Variants in EN1 observed in about 807,000 individuals in gnomAD.
EN1 encodes homeobox protein engrailed-1.
In EN1, 8 loss-of-function variants were observed where a neutral mutation model predicts 22.9. The observed-to-expected ratio is 0.35, with a 90% CI of 0.20 to 0.63. The LOEUF (loss-of-function observed/expected upper bound fraction) is 0.63, where lower values mean the gene tolerates loss of function less well. Among genes scored for constraint, EN1 ranks in the 20% least tolerant of loss-of-function variants. The pLI is 0.73. For synonymous variants in EN1, 287 were observed against 262.5 expected, an observed-to-expected ratio of 1.09 and a Z score of -0.90; for missense variants, 521 against 572.1, an observed-to-expected ratio of 0.91 and a Z score of 0.91.
intron 1 of EN1, chr2:118,844,451 C>G (rs1028964348): frequency 6.6e-6 from 1 of 152,190 alleles, no homozygotes; most frequent in African/African-American, 2.4e-5. Context: ...GCGGGAAAAC[C>G]AGGAGAGGAT....
chr2:118,842,898 T>G lies in EN1; in HGVS notation c.*40A>C. On this transcript the variant is annotated 3_prime_UTR_variant, in exon 2 of 2. Transcript: ENST00000295206. ...AGGGGCCGGGAGACGACGGCGGCGG[T>G]GCCGGGAGGGGGCGCGGGCGCGGCC... is the stretch of plus-strand genomic sequence containing the variant. 6.4e-7 allele frequency: 1 copy of G among 1,574,174 alleles called. No homozygotes were observed.
In EN1 at chr2:118,847,547, A is replaced by C; in HGVS notation, c.-380T>G. 6.1e-6 allele frequency: 1 copy of C among 165,122 alleles called. No homozygotes were observed. Among genetic ancestry groups the C allele is most frequent in the Non-Finnish European group, 1.3e-5 (1 of 77,038 alleles). 10.2% of individuals were successfully genotyped at this position (165,122 alleles called of 1,614,324 possible). A position where few individuals can be genotyped will look rare whatever the true frequency, so the allele number is the denominator to read the frequency against. Reference sequence around the variant, plus strand: ...GAAAGCAAGAAAAAAAGCTCCAATAATTTTTTTCTTAAAGGGAAAAAAATA... The same window carrying C: ...GAAAGCAAGAAAAAAAGCTCCAATACTTTTTTTCTTAAAGGGAAAAAAATA... On this transcript the variant is annotated 5_prime_UTR_variant, in exon 1 of 2. Coordinates refer to ENST00000295206, the MANE Select transcript of EN1 (RefSeq NM_001426.4).
At position 118,847,208 on chromosome 2, in the gene EN1, GC is replaced by G; in HGVS notation, c.-42del. On this transcript the variant is annotated 5_prime_UTR_variant, in exon 1 of 2. Transcript: ENST00000295206. Reference sequence around the variant, plus strand: ...CGCCCCGGCCGCCGCGCCGGCCCCCGCCCCCACCGCCTCGCTCCCCACCCCA... The same window carrying G: ...CGCCCCGGCCGCCGCGCCGGCCCCCGCCCCACCGCCTCGCTCCCCACCCCA... The G allele has an allele frequency of 1.7e-6, 1 of 583,230 alleles. No individual in the cohort carries two copies. The highest frequency in any genetic ancestry group is 2.7e-6 in the Non-Finnish European group (1 of 377,348). The allele number at this position is 583,230 out of a possible 1,614,324, so 36.1% of individuals were successfully genotyped here. A position where few individuals can be genotyped will look rare whatever the true frequency, so the allele number is the denominator to read the frequency against.
rs1464119140 is a variant in EN1, at chr2:118,842,660, C to T, written c.*278G>A. ...ATATACAAGGTCGTAAGCGGTTTGG[C>T]TAGATAGAGCTTTAAGGAGTTCGCA... is the stretch of plus-strand genomic sequence containing the variant. On this transcript the variant is annotated 3_prime_UTR_variant, in exon 2 of 2. Coordinates refer to ENST00000295206, the MANE Select transcript of EN1 (RefSeq NM_001426.4). 5.6e-5 allele frequency: 23 copies of T among 408,716 alleles called. 1 individual carries two copies. The allele number at this position is 408,716 out of a possible 1,614,324, so 25.3% of individuals were successfully genotyped here.
chr2:118,845,280 C>A (rs1678252306), intron 1 of EN1, among the ~76,000 whole-genome samples: 1 of 152,218 alleles, frequency 6.6e-6, no homozygotes. Context: ...CGGCCCCCTG[C>A]CGGACCGGGT....
rs912738751 is a variant in EN1, at chr2:118,842,890, G to C, written c.*48C>G. The C allele has an allele frequency of 3.8e-5, 60 of 1,563,118 alleles. No homozygotes were observed. The highest frequency in any genetic ancestry group is 4.7e-5 in the Non-Finnish European group (54 of 1,152,476). On this transcript the variant is annotated 3_prime_UTR_variant, in exon 2 of 2. Coordinates refer to ENST00000295206, the MANE Select transcript of EN1 (RefSeq NM_001426.4). The stretch of plus-strand genomic sequence containing the variant: ...CCCCAGCGAGGGGCCGGGAGACGAC[G>C]GCGGCGGTGCCGGGAGGGGGCGCGG...
At position 118,847,289 on chromosome 2, in the gene EN1, C is replaced by T; in HGVS notation, c.-122G>A. ...AGGAAGGAGGCAGGCGAAGCCTCAG[C>T]GAAGGCACGGGGCGGGTGCAGGAAA... On this transcript the variant is annotated 5_prime_UTR_variant, in exon 1 of 2. Transcript: ENST00000295206. 2.4e-6 allele frequency: 1 copy of T among 413,238 alleles called. No homozygotes were observed. The highest frequency in any genetic ancestry group is 4.2e-6 in the Non-Finnish European group (1 of 237,094). The allele number at this position is 413,238 out of a possible 1,614,324, so 25.6% of individuals were successfully genotyped here. A position where few individuals can be genotyped will look rare whatever the true frequency, so the allele number is the denominator to read the frequency against.
chr2:118,846,645 C>T lies in EN1; in HGVS notation c.523G>A (p.Ala175Thr). The change falls in exon 1 of 2, where the codon GCG (alanine) becomes ACG (threonine). Residue 175 changes from alanine (A) to threonine (T), a missense_variant. By Grantham distance (58) the Ala-to-Thr change is moderately conservative. Around this residue, in one of 3 missense-constraint regions of EN1, gnomAD observed 436 missense variants for 410.1 expected, o/e 1.06. Transcript: ENST00000295206. This position sits in a 1 kb window ranked among gnomAD's most constrained non-coding sequence, Gnocchi z 5.0. ...GAGCCGTCGGGTGGGCCACAGTTCG[C>T]GTCCGGGGCGCACAGGAGCGAGGCA... ...GAASLLCAPDANCGPPDGSQP... is the reference protein window; with the variant it reads ...GAASLLCAPDTNCGPPDGSQP... 1 of 1,537,760 alleles carries T rather than the reference C, an allele frequency of 6.5e-7. No individual in the cohort carries two copies. Among genetic ancestry groups the T allele is most frequent in the Non-Finnish European group, 8.7e-7 (1 of 1,152,112 alleles).
At chr2:118,845,074 A>G (rs1242942796) in intron 1 of EN1, among the ~76,000 whole-genome samples, 2 of 152,252 alleles carry the variant, frequency 1.3e-5, no homozygotes, top group Non-Finnish European at 2.9e-5. Context: ...CGAGCCGTGC[A>G]GCCTGACAGC....
In EN1 at chr2:118,846,576, G is replaced by C. The variant is rs1573317610; in HGVS notation, c.592C>G (p.Pro198Ala). The change falls in exon 1 of 2, where the codon CCG (proline) becomes GCG (alanine). Residue 198 changes from proline (P) to alanine (A), a missense_variant. Pro to Ala is a conservative substitution (Grantham distance 27). This residue lies in a region of EN1 where 436 missense variants were observed against 410.1 expected (regional missense o/e 1.06). Transcript: ENST00000295206. This position sits in a 1 kb window ranked among gnomAD's most constrained non-coding sequence, Gnocchi z 5.0. ...GCGGCCGCCGCCGCCGCCGCAGCCG[G>C]GTTCCCAGCTTTAGACGCGCCCGCG... is the stretch of plus-strand genomic sequence containing the variant. ...AGAGASKAGN[P>A]AAAAAAAAAA... The C allele has an allele frequency of 8.1e-7, 1 of 1,238,040 alleles. No individual in the cohort carries two copies. Among genetic ancestry groups the C allele is most frequent in the East Asian group, 3.2e-5 (1 of 30,912 alleles). 76.7% of individuals were successfully genotyped at this position (1,238,040 alleles called of 1,614,324 possible).
In EN1 at chr2:118,842,690, C is replaced by T. The variant is rs1678209097; in HGVS notation, c.*248G>A. The T allele has an allele frequency of 1.6e-6, 1 of 609,280 alleles. No individual in the cohort carries two copies. The highest frequency in any genetic ancestry group is 2.6e-6 in the Non-Finnish European group (1 of 384,938). 37.7% of individuals were successfully genotyped at this position (609,280 alleles called of 1,614,324 possible). ...TAGAGCTTTAAGGAGTTCGCAGTTTCGTCCCTTATACTGGGAATAGAGAAT... is the reference window on the plus strand; with the variant it reads ...TAGAGCTTTAAGGAGTTCGCAGTTTTGTCCCTTATACTGGGAATAGAGAAT... On this transcript the variant is annotated 3_prime_UTR_variant, in exon 2 of 2. Coordinates refer to ENST00000295206, the MANE Select transcript of EN1 (RefSeq NM_001426.4).
chr2:118,842,671 T>A lies in EN1; in HGVS notation c.*267A>T. On this transcript the variant is annotated 3_prime_UTR_variant, in exon 2 of 2. Transcript: ENST00000295206. ...CGTAAGCGGTTTGGCTAGATAGAGC[T>A]TTAAGGAGTTCGCAGTTTCGTCCCT... 4.0e-6 allele frequency: 2 copies of A among 498,766 alleles called. No individual in the cohort carries two copies. Among genetic ancestry groups the A allele is most frequent in the South Asian group, 6.1e-5 (2 of 32,968 alleles). 30.9% of individuals were successfully genotyped at this position (498,766 alleles called of 1,614,324 possible).
chr2:118,842,910 G>A lies in EN1; in HGVS notation c.*28C>T. 1.9e-6 allele frequency: 3 copies of A among 1,583,532 alleles called. No homozygotes were observed. The highest frequency in any genetic ancestry group is 2.3e-5 in the East Asian group (1 of 44,224). ...ACGACGGCGGCGGTGCCGGGAGGGG[G>A]CGCGGGCGCGGCCCCGGCCTGTGGC... is the stretch of plus-strand genomic sequence containing the variant. On this transcript the variant is annotated 3_prime_UTR_variant, in exon 2 of 2. Coordinates refer to ENST00000295206, the MANE Select transcript of EN1 (RefSeq NM_001426.4).
rs770328312 is a variant in EN1, at chr2:118,846,849, T to C, written c.319A>G (p.Ile107Val). The C allele has an allele frequency of 6.3e-7, 1 of 1,590,930 alleles. No homozygotes were observed. The highest frequency in any genetic ancestry group is 2.3e-5 in the East Asian group (1 of 43,880). Residue 107 changes from isoleucine to valine, a missense_variant, in exon 1 of 2, where the codon ATC becomes GTC. Ile to Val is a conservative substitution (Grantham distance 29). Around this residue, in one of 3 missense-constraint regions of EN1, gnomAD observed 436 missense variants for 410.1 expected, o/e 1.06. Transcript: ENST00000295206. The surrounding 1 kb of genome is among the most constrained non-coding windows in gnomAD (Gnocchi z 5.0). ...AAGTCCGGCCTCAGGATGTTGTCGATGAAAAAGTTGGTGGTGCGGTGCAGC... is the reference window on the plus strand; with the variant it reads ...AAGTCCGGCCTCAGGATGTTGTCGACGAAAAAGTTGGTGGTGCGGTGCAGC... ...AQLHRTTNFF[I>V]DNILRPDFGC...
At chr2:118,844,985 A>G (rs779197008) in intron 1 of EN1, among the ~76,000 whole-genome samples, 1 of 152,238 alleles carries the variant, frequency 6.6e-6, no homozygotes, top group Non-Finnish European at 1.5e-5. Flanking sequence ...TGCATCCGGG[A>G]CATGTTGAAG....
intron 1 of EN1, among the ~76,000 whole-genome samples, chr2:118,844,600 T>C (rs908929386): frequency 2.0e-4 from 30 of 152,230 alleles, no homozygotes; most frequent in African/African-American, 7.2e-4. Context: ...TCAGGCCTGT[T>C]CATCTCTAAA....
At chr2:118,844,710 C>A (rs1043028418) in intron 1 of EN1, among the ~76,000 whole-genome samples, 2 of 152,208 alleles carry the variant, frequency 1.3e-5, no homozygotes, top group African/African-American at 4.8e-5. Flanking sequence ...GCTGGGGTAA[C>A]CAGCTGTCCT....
At position 118,842,470 on chromosome 2, in the gene EN1, G is replaced by C. The variant is rs959959406; in HGVS notation, c.*468C>G. The C allele has an allele frequency of 3.4e-5, 4 of 116,548 alleles. No homozygotes were observed. Among genetic ancestry groups the C allele is most frequent in the African/African-American group, 1.1e-4 (4 of 35,442 alleles). 7.2% of individuals were successfully genotyped at this position (116,548 alleles called of 1,614,324 possible). On this transcript the variant is annotated 3_prime_UTR_variant, in exon 2 of 2. Transcript: ENST00000295206. The stretch of plus-strand genomic sequence containing the variant: ...GAAGCAATGACATTCAAATGAAAAA[G>C]GCAACGAAAACGAAACTGGGCGGGG...
In EN1 at chr2:118,846,857, T is replaced by G. The variant is rs1678284231; in HGVS notation, c.311A>C (p.Asn104Thr). Residue 104 changes from asparagine (N) to threonine (T), a missense_variant, in exon 1 of 2, where the codon AAC becomes ACC. This residue lies in a region of EN1 where 436 missense variants were observed against 410.1 expected (regional missense o/e 1.06). Coordinates refer to ENST00000295206, the MANE Select transcript of EN1 (RefSeq NM_001426.4). This position sits in a 1 kb window ranked among gnomAD's most constrained non-coding sequence, Gnocchi z 5.0. ...QPAAQLHRTT[N>T]FFIDNILRPD... ...CCTCAGGATGTTGTCGATGAAAAAG[T>G]TGGTGGTGCGGTGCAGCTGGGCCGC... The G allele has an allele frequency of 1.3e-6, 2 of 1,588,330 alleles. No individual in the cohort carries two copies. The highest frequency in any genetic ancestry group is 2.7e-5 in the African/African-American group (2 of 73,736).
Sources: allele counts gnomAD v4.1 joint callset (sites outside exome capture counted in the v4.1 genomes callset), GRCh38; gene constraint gnomAD v4.1.1; regional missense constraint gnomAD v4.1.1; non-coding constraint Gnocchi (gnomAD v3.1); transcripts MANE v1.5; gene names NCBI Gene and HGNC (gene_info 2026-07-23, HGNC 2026-07-21).